ZNF280D: variants seen among roughly 807,000 people sequenced by gnomAD.
ZNF280D encodes suppressor of hairy wing homolog 4.
In ZNF280D, 39 loss-of-function variants were observed where a neutral mutation model predicts 94.7. That is an observed-to-expected ratio of 0.41 (90% confidence interval 0.32 to 0.54). The LOEUF (loss-of-function observed/expected upper bound fraction) is 0.54, where lower values mean the gene tolerates loss of function less well. Ranked by LOEUF, ZNF280D falls within the 20% of genes least tolerant of loss-of-function variation. The pLI is 0.22. For synonymous variants in ZNF280D, 398 were observed against 377.6 expected, an observed-to-expected ratio of 1.05 and a Z score of -0.63; for missense variants, 1,090 against 1,149.3, an observed-to-expected ratio of 0.95 and a Z score of 0.75.
chr15:56,651,193 A>G (rs2053183566), intron 19 of ZNF280D, among the ~76,000 whole-genome samples: 1 of 152,226 alleles, frequency 6.6e-6, no homozygotes, highest in South Asian at 2.1e-4. Flanking sequence ...CCAAAATGTG[A>G]CAAAAACAGG....
At chr15:56,728,233 G>A (rs1470190328) in intron 1 of ZNF280D, among the ~76,000 whole-genome samples, 1 of 151,962 alleles carries the variant, frequency 6.6e-6, no homozygotes, top group Non-Finnish European at 1.5e-5. Flanking sequence ...ATGTTGCCCA[G>A]GCTAGTCTCA....
At chr15:56,733,204 G>A (rs1019396834) in intron 1 of ZNF280D, among the ~76,000 whole-genome samples, 21 of 152,186 alleles carry the variant, frequency 1.4e-4, no homozygotes, top group Admixed American at 2.6e-4. Flanking sequence ...GGCCTGCGCG[G>A]CCCAGGCCTG....
intron 13 of ZNF280D, among the ~76,000 whole-genome samples, chr15:56,670,394 T>G (rs2054781487): frequency 6.6e-6 from 1 of 151,742 alleles, no homozygotes; most frequent in African/African-American, 2.4e-5. Flanking sequence ...CCCCTCTATG[T>G]GTCTTGTGTT....
At chr15:56,646,314 C>G (rs2052890373) in intron 19 of ZNF280D, among the ~76,000 whole-genome samples, 1 of 152,090 alleles carries the variant, frequency 6.6e-6, no homozygotes, top group Admixed American at 6.5e-5. Context: ...TGAGTCCCAG[C>G]TCAGTCTCAG....
chr15:56,667,824 G>T (rs2054399212), intron 14 of ZNF280D, among the ~76,000 whole-genome samples: 1 of 152,066 alleles, frequency 6.6e-6, no homozygotes, highest in African/African-American at 2.4e-5. Context: ...ATAACATGGG[G>T]CAATACCTGC....
At chr15:56,652,797 C>T in intron 19 of ZNF280D, 1 of 984,522 alleles carries the variant, frequency 1.0e-6, no homozygotes, top group South Asian at 4.7e-5. Flanking sequence ...ATAATAATCC[C>T]AATAGGACAG....
At chr15:56,642,793 T>G (rs2052692420) in intron 20 of ZNF280D, among the ~76,000 whole-genome samples, 159 bp downstream of exon 20, 1 of 151,742 alleles carries the variant, frequency 6.6e-6, no homozygotes, top group African/African-American at 2.4e-5. Context: ...GATATTTTTA[T>G]ATGTAATGAA....
chr15:56,689,777 C>CAA (rs746822335), intron 7 of ZNF280D, among the ~76,000 whole-genome samples: 7 of 145,900 alleles, frequency 4.8e-5, no homozygotes, highest in Non-Finnish European at 7.6e-5. Flanking sequence ...ATATTCCAAG[C>CAA]CAAAAAAAAA....
intron 1 of ZNF280D, among the ~76,000 whole-genome samples, chr15:56,718,078 C>T (rs1474996390): frequency 6.6e-6 from 1 of 151,600 alleles, no homozygotes; most frequent in African/African-American, 2.4e-5. Flanking sequence ...AAATTTCTGC[C>T]TAGACTGAAA....
chr15:56,655,704 T>C (rs752134442), intron 17 of ZNF280D, among the ~76,000 whole-genome samples: 20 of 152,352 alleles, frequency 1.3e-4, no homozygotes, highest in Non-Finnish European at 2.4e-4. Context: ...TAACTTAAAA[T>C]GCATTTAGAC....
At chr15:56,675,070 C>T (rs189966757) in intron 13 of ZNF280D, among the ~76,000 whole-genome samples, 1 of 152,054 alleles carries the variant, frequency 6.6e-6, no homozygotes, top group Admixed American at 6.6e-5. Flanking sequence ...TAATAGACTG[C>T]CCCCTCTTTA....
intron 20 of ZNF280D, among the ~76,000 whole-genome samples, chr15:56,638,606 T>C (rs1414363239): frequency 6.6e-6 from 1 of 152,130 alleles, no homozygotes; most frequent in African/African-American, 2.4e-5. Context: ...ATTAAAGAAA[T>C]ATGCAAAAGT....
intron 13 of ZNF280D, among the ~76,000 whole-genome samples, chr15:56,669,595 T>C (rs1330641490): frequency 6.6e-6 from 1 of 150,624 alleles, no homozygotes; most frequent in African/African-American, 2.4e-5. Flanking sequence ...TTAATTTAAA[T>C]CTAAAAAGCC....
At chr15:56,700,683 G>T (rs1362755532) in intron 6 of ZNF280D, 2 of 1,419,476 alleles carry the variant, frequency 1.4e-6, no homozygotes, top group Non-Finnish European at 1.8e-6. Flanking sequence ...CATTTTGATA[G>T]TATAGTTTTC....
chr15:56,672,607 G>C (rs55658557), intron 13 of ZNF280D, among the ~76,000 whole-genome samples: 4,820 of 151,840 alleles, frequency 0.032, 245 homozygotes, highest in African/African-American at 0.11. Flanking sequence ...TTTTTGCATC[G>C]AGGTTCATCA....
At chr15:56,717,728 G>T (rs1428019105) in intron 1 of ZNF280D, among the ~76,000 whole-genome samples, 2 of 152,088 alleles carry the variant, frequency 1.3e-5, no homozygotes, top group African/African-American at 4.8e-5. Flanking sequence ...TAGTTATACA[G>T]GGTAAGTATC....
At chr15:56,728,272 G>A (rs1297850180) in intron 1 of ZNF280D, among the ~76,000 whole-genome samples, 1 of 151,956 alleles carries the variant, frequency 6.6e-6, no homozygotes, top group Non-Finnish European at 1.5e-5. Context: ...ATCCTGCCTT[G>A]GCCTCCCAAA....
chr15:56,700,065 G>A, intron 6 of ZNF280D: 1 of 296,070 alleles, frequency 3.4e-6, no homozygotes, highest in Non-Finnish European at 5.0e-6. Context: ...TGATTATAAT[G>A]ACAACACTGT....
At chr15:56,658,363 A>C (rs2053683922) in intron 17 of ZNF280D, 61 bp downstream of exon 17, 17 of 1,297,822 alleles carry the variant, frequency 1.3e-5, no homozygotes, top group Non-Finnish European at 1.8e-5. Flanking sequence ...TGTTGTGTTA[A>C]AAAAAATTTA....
Sources: allele counts gnomAD v4.1 joint callset (sites outside exome capture counted in the v4.1 genomes callset), GRCh38; gene constraint gnomAD v4.1.1; transcripts MANE v1.5; gene names NCBI Gene and HGNC (gene_info 2026-07-23, HGNC 2026-07-21).